Variants in METTL14 observed in about 807,000 individuals in gnomAD.
The protein encoded by METTL14 is N(6)-adenosine-methyltransferase non-catalytic subunit METTL14.
A neutral mutation model predicts 62.4 loss-of-function variants in METTL14; 32 were observed. The observed-to-expected ratio is 0.51, with a 90% CI of 0.39 to 0.69. The LOEUF (loss-of-function observed/expected upper bound fraction) is 0.69, where lower values mean the gene tolerates loss of function less well. METTL14 is among the 30% of genes least tolerant of loss of function. The probability of loss-of-function intolerance (pLI) is 0.00; values close to 1 mark genes in which losing one functional copy is unlikely to be tolerated. For synonymous variants in METTL14, 150 were observed against 180.0 expected (o/e 0.83, Z 1.34); for missense variants, 340 against 551.9 (o/e 0.62, Z 3.85).
Position 118,687,874 on chromosome 4 carries a change from A to C in METTL14, c.67-49A>C, listed in dbSNP as rs1182362617. ...TAAATGCTGCTACAAATGCCCAGAA[A>C]GGCTATCCAGTGCATTGCAATCTAA... is the stretch of plus-strand genomic sequence containing the variant. On this transcript the variant is annotated intron_variant, in intron 1 of 10. Transcript: ENST00000388822. 2.0e-6 allele frequency: 3 copies of C among 1,488,700 alleles called. No homozygotes were observed. In the East Asian group the frequency reaches 6.8e-5, roughly 34 times the overall value. 92.2% of individuals were successfully genotyped at this position (1,488,700 alleles called of 1,614,324 possible). A position where few individuals can be genotyped will look rare whatever the true frequency, so the allele number is the denominator to read the frequency against.
chr4:118,695,886 C>T (rs1724393580), intron 6 of METTL14, among the ~76,000 whole-genome samples: 2 of 151,798 alleles, frequency 1.3e-5, no homozygotes, highest in South Asian at 4.2e-4. Context: ...CTGAGGTGGG[C>T]GGATCATTAG....
rs1724892417 is a variant in METTL14, at chr4:118,710,628, G to T, written c.*326G>T. 4.9e-6 allele frequency: 1 copy of T among 205,312 alleles called. No individual in the cohort carries two copies. The highest frequency in any genetic ancestry group is 9.7e-6 in the Non-Finnish European group (1 of 102,622). 12.7% of individuals were successfully genotyped at this position (205,312 alleles called of 1,614,324 possible). On this transcript the variant is annotated 3_prime_UTR_variant, in exon 11 of 11. Coordinates refer to ENST00000388822, the MANE Select transcript of METTL14 (RefSeq NM_020961.4). ...TTGCTAATTTTTGGGAATAAATAAT[G>T]GAAAAAGATCCAGTCTGTGGTATCA...
chr4:118,704,056 TG>T lies in METTL14; in HGVS notation c.855+6del. ...GCTGTCTTTCAGAGAACAAAGGTATTGCCTTTACTGATTTGTTTTTTTTAAT... is the reference window on the plus strand; with the variant it reads ...GCTGTCTTTCAGAGAACAAAGGTATTCCTTTACTGATTTGTTTTTTTTAAT... On this transcript the variant is annotated splice_donor_region_variant and intron_variant, in intron 9 of 10. Coordinates refer to ENST00000388822, the MANE Select transcript of METTL14 (RefSeq NM_020961.4). 1 of 1,497,970 alleles carries T rather than the reference TG, an allele frequency of 6.7e-7. No homozygotes were observed. The highest frequency in any genetic ancestry group is 9.1e-7 in the Non-Finnish European group (1 of 1,096,460). The allele number at this position is 1,497,970 out of a possible 1,614,324, so 92.8% of individuals were successfully genotyped here.
At chr4:118,702,250 GCCAT>G (rs1358418319) in intron 8 of METTL14, among the ~76,000 whole-genome samples, 1 of 151,508 alleles carries the variant, frequency 6.6e-6, no homozygotes, top group Non-Finnish European at 1.5e-5. Flanking sequence ...CTCCTGAGTA[GCCAT>G]CCAGGAGGTT....
rs1414871525 is a variant in METTL14 at position 118,697,339 on chromosome 4, C to T, written c.645+16C>T. On this transcript the variant is annotated intron_variant, in intron 7 of 10. Transcript: ENST00000388822. ...TTGGGATGATGTATGATCAAACTTT[C>T]TACATTGTAATGAATTATTTATTTT... 6.3e-7 allele frequency: 1 copy of T among 1,577,250 alleles called. No homozygotes were observed. The highest frequency in any genetic ancestry group is 1.7e-4 in the Middle Eastern group (1 of 5,894).
intron 10 of METTL14, among the ~76,000 whole-genome samples, chr4:118,707,587 C>G (rs908210103): frequency 6.7e-6 from 1 of 148,380 alleles, no homozygotes; most frequent in African/African-American, 2.5e-5. Context: ...TCACTTGAAC[C>G]TGGGAGGCAG....
chr4:118,697,944 G>A (rs1025629770), intron 7 of METTL14, among the ~76,000 whole-genome samples: 1 of 152,126 alleles, frequency 6.6e-6, no homozygotes, highest in East Asian at 1.9e-4. Flanking sequence ...GGAACAACAA[G>A]AACAGAGGGG....
chr4:118,704,006 G>T lies in METTL14; in HGVS notation c.810G>T (p.Gly270=). Residue 270 remains glycine, a synonymous_variant, in exon 9 of 11, where the codon GGG becomes GGT. Transcript: ENST00000388822. ...CWIKTNKNNP[G]KTKTLDPKAV... is the part of the protein sequence containing the mutation. ...TTAAAACCAATAAAAACAATCCTGG[G>T]AAGACTAAGACTTTAGATCCAAAGG... is the stretch of plus-strand genomic sequence containing the variant. 6.3e-7 allele frequency: 1 copy of T among 1,595,044 alleles called. No homozygotes were observed. The highest frequency in any genetic ancestry group is 8.5e-7 in the Non-Finnish European group (1 of 1,174,592).
chr4:118,686,435 TAGG>T, intron 1 of METTL14: 1 of 359,872 alleles, frequency 2.8e-6, no homozygotes, highest in Admixed American at 3.6e-5. Context: ...GTAAAAGTGA[TAGG>T]AGCAATGCTC....
chr4:118,699,157 C>T (rs187209950), intron 7 of METTL14, among the ~76,000 whole-genome samples: 283 of 152,178 alleles, frequency 1.9e-3, no homozygotes, highest in Non-Finnish European at 3.4e-3. Flanking sequence ...TCTTAGGAAA[C>T]GGATTAGAAT....
At position 118,713,602 on chromosome 4, in the gene METTL14, A is replaced by G. The variant is rs1416115079; in HGVS notation, c.*3300A>G. On this transcript the variant is annotated 3_prime_UTR_variant, in exon 11 of 11. Coordinates refer to ENST00000388822, the MANE Select transcript of METTL14 (RefSeq NM_020961.4). Reference sequence around the variant, plus strand: ...AGTGTCTCATATTTTGTGATCTATTAGAAACATAAACCTTTGCTTATGCAG... The same window carrying G: ...AGTGTCTCATATTTTGTGATCTATTGGAAACATAAACCTTTGCTTATGCAG... The G allele has an allele frequency of 6.6e-6, 1 of 152,198 alleles. No individual in the cohort carries two copies. The highest frequency in any genetic ancestry group is 1.5e-5 in the Non-Finnish European group (1 of 68,036). 9.4% of individuals were successfully genotyped at this position (152,198 alleles called of 1,614,324 possible).
At chr4:118,691,486 A>G (rs1724244794) in intron 3 of METTL14, 46 bp from the exon 4 acceptor site, 2 of 1,020,120 alleles carry the variant, frequency 2.0e-6, no homozygotes, top group Non-Finnish European at 2.9e-6. Flanking sequence ...TGATAGAGAA[A>G]TAACCCCTAT....
In METTL14 at chr4:118,691,533, A is replaced by G. The variant is rs1167959468; in HGVS notation, c.245A>G (p.Asp82Gly). The G allele has an allele frequency of 2.0e-6, 3 of 1,533,712 alleles. No homozygotes were observed. The highest frequency in any genetic ancestry group is 2.7e-6 in the Non-Finnish European group (3 of 1,130,386). ...TDEDKMEEYK[D>G]ELEMQQDEEN... ...TTACTTAATCTTATGTTTTTCAAGGATGAACTAGAAATGCAACAGGATGAA... is the reference window on the plus strand; with the variant it reads ...TTACTTAATCTTATGTTTTTCAAGGGTGAACTAGAAATGCAACAGGATGAA... The change falls in exon 4 of 11, where the codon GAT becomes GGT. Residue 82 changes from aspartate (D) to glycine (G), a missense_variant and splice_region_variant. Coordinates refer to ENST00000388822, the MANE Select transcript of METTL14 (RefSeq NM_020961.4).
At position 118,711,915 on chromosome 4, in the gene METTL14, T is replaced by G. The variant is rs889898129; in HGVS notation, c.*1613T>G. On this transcript the variant is annotated 3_prime_UTR_variant, in exon 11 of 11. Transcript: ENST00000388822. Reference sequence around the variant, plus strand: ...GGGCTCTCTATTACGTTCCATACCCTGGGCCTACCCAAGGTGACATTCCTG... The same window carrying G: ...GGGCTCTCTATTACGTTCCATACCCGGGGCCTACCCAAGGTGACATTCCTG... 1.3e-5 allele frequency: 2 copies of G among 152,188 alleles called. No individual in the cohort carries two copies. Among genetic ancestry groups the G allele is most frequent in the Admixed American group, 6.5e-5 (1 of 15,268 alleles). 9.4% of individuals were successfully genotyped at this position (152,188 alleles called of 1,614,324 possible).
In METTL14 at chr4:118,710,416, T is replaced by C; in HGVS notation, c.*114T>C. On this transcript the variant is annotated 3_prime_UTR_variant, in exon 11 of 11. Transcript: ENST00000388822. ...TTCCAGCTTGCACTTTGCTTTAATT[T>C]CTCTGAGCTGCAAGAATGTCTTAGC... 2 of 1,043,186 alleles carry C rather than the reference T, an allele frequency of 1.9e-6. No individual in the cohort carries two copies. The highest frequency in any genetic ancestry group is 2.7e-6 in the Non-Finnish European group (2 of 731,506). 64.6% of individuals were successfully genotyped at this position (1,043,186 alleles called of 1,614,324 possible).
Position 118,713,648 on chromosome 4 carries a change from C to G in METTL14, c.*3346C>G, listed in dbSNP as rs1724984672. The G allele has an allele frequency of 6.6e-6, 1 of 152,166 alleles. No individual in the cohort carries two copies. The highest frequency in any genetic ancestry group is 6.5e-5 in the Admixed American group (1 of 15,272). 9.4% of individuals were successfully genotyped at this position (152,166 alleles called of 1,614,324 possible). On this transcript the variant is annotated 3_prime_UTR_variant, in exon 11 of 11. Transcript: ENST00000388822. ...TGCAGAAGGTCTTTCTTAGAACAAT[C>G]CTGTAATCTTAGGGTTCATGTGTGA...
At chr4:118,701,637 C>T (rs1724592319) in intron 8 of METTL14, among the ~76,000 whole-genome samples, 1 of 152,176 alleles carries the variant, frequency 6.6e-6, no homozygotes, top group Admixed American at 6.5e-5. Context: ...AAAAGATACT[C>T]ACTCTTGAGG....
In METTL14 at chr4:118,691,565, T is replaced by G. The variant is rs746887766; in HGVS notation, c.277T>G (p.Leu93Val). 2.6e-6 allele frequency: 4 copies of G among 1,556,736 alleles called. No individual in the cohort carries two copies. The highest frequency in any genetic ancestry group is 3.5e-6 in the Non-Finnish European group (4 of 1,150,488). The change falls in exon 4 of 11, where the codon TTG becomes GTG. Residue 93 changes from leucine (L) to valine (V), a missense_variant. By Grantham distance (32) the Leu-to-Val change is conservative (BLOSUM62 1). Around this residue, in one of 7 missense-constraint regions of METTL14, gnomAD observed 111 missense variants for 116.6 expected, o/e 0.95. Transcript: ENST00000388822. ...ELEMQQDEEN[L>V]PYEEEIYKDS... ...AGAAATGCAACAGGATGAAGAAAAT[T>G]TGCCATATGAAGAAGAGATTTACAA...
At chr4:118,691,492 C>T (rs1392196870) in intron 3 of METTL14, 40 bp from the exon 4 acceptor site, 8 of 1,069,704 alleles carry the variant, frequency 7.5e-6, no homozygotes, top group Non-Finnish European at 9.6e-6. Flanking sequence ...AGAAATAACC[C>T]CTATTTGTAA....
Sources: allele counts gnomAD v4.1 joint callset (sites outside exome capture counted in the v4.1 genomes callset), GRCh38; gene constraint gnomAD v4.1.1; regional missense constraint gnomAD v4.1.1; transcripts MANE v1.5; gene names NCBI Gene and HGNC (gene_info 2026-07-23, HGNC 2026-07-21).